The following NAV2 variants were observed in gnomAD, a reference collection of about 807,000 sequenced individuals.
The protein encoded by NAV2 is helicase, APC down-regulated 1.
A neutral mutation model predicts 223.2 loss-of-function variants in NAV2; 54 were observed. The ratio of observed to expected loss-of-function variants is 0.24; its 90% CI spans 0.19 to 0.30. NAV2 has a LOEUF of 0.30. Ranked by LOEUF, NAV2 falls within the 10% of genes least tolerant of loss-of-function variation. The pLI, the probability that NAV2 is intolerant of heterozygous loss-of-function variation, is 1.00. For missense variants in NAV2, 2,806 were observed against 3,147.5 expected (o/e 0.89, Z 2.60); for synonymous variants, 1,279 against 1,239.3 (o/e 1.03, Z -0.67).
chr11:19,960,557 C>G (rs2048263516), intron 10 of NAV2, among the ~76,000 whole-genome samples: 1 of 151,736 alleles, frequency 6.6e-6, no homozygotes, highest in African/African-American at 2.4e-5. Flanking sequence ...TTGATGCTGT[C>G]CTGCATCCTT....
intron 1 of NAV2, among the ~76,000 whole-genome samples, chr11:19,534,085 G>T (rs1378816995): frequency 6.6e-6 from 1 of 152,204 alleles, no homozygotes; most frequent in Non-Finnish European, 1.5e-5. Context: ...TGCCACCCTT[G>T]TGGCTCCTCT....
chr11:19,691,776 G>T, intron 1 of NAV2, among the ~76,000 whole-genome samples: 1 of 152,142 alleles, frequency 6.6e-6, no homozygotes, highest in East Asian at 1.9e-4. Flanking sequence ...CTTCCTGGAG[G>T]AAGACAAGGG....
intron 1 of NAV2, among the ~76,000 whole-genome samples, chr11:19,645,085 G>A (rs2047777414): frequency 6.6e-6 from 1 of 152,234 alleles, no homozygotes. Context: ...GAGGTTGGAA[G>A]TCCAGTACGG....
intron 10 of NAV2, among the ~76,000 whole-genome samples, chr11:19,951,451 A>C (rs914493147): frequency 6.6e-6 from 1 of 152,188 alleles, no homozygotes; most frequent in East Asian, 1.9e-4. Flanking sequence ...ATTTCACATA[A>C]TGTAATCTTT....
At chr11:19,960,306 C>T (rs2048245717) in intron 10 of NAV2, among the ~76,000 whole-genome samples, 1 of 152,110 alleles carries the variant, frequency 6.6e-6, no homozygotes, top group Admixed American at 6.6e-5. Context: ...CTCCGGGTGG[C>T]TTATGGGGGC....
intron 20 of NAV2, 76 bp from the exon 21 acceptor site, chr11:20,068,110 T>C: frequency 7.9e-7 from 1 of 1,260,724 alleles, no homozygotes; most frequent in Non-Finnish European, 1.2e-6. Context: ...CATCTGAATA[T>C]GGTGTTCCCG....
At chr11:19,523,365 G>A (rs1029614839) in intron 1 of NAV2, among the ~76,000 whole-genome samples, 2 of 152,120 alleles carry the variant, frequency 1.3e-5, no homozygotes, top group East Asian at 1.9e-4. Context: ...CAGGAACAGT[G>A]CATCCCTCCT....
At chr11:19,714,139 G>A in intron 1 of NAV2, 177 bp downstream of exon 1, 2 of 925,198 alleles carry the variant, frequency 2.2e-6, no homozygotes, top group Non-Finnish European at 3.3e-6. Context: ...CCGGCCGGTG[G>A]GTGTGGCCCG....
At chr11:20,071,422 C>T (rs1280550173) in intron 22 of NAV2, among the ~76,000 whole-genome samples, 5 of 152,132 alleles carry the variant, frequency 3.3e-5, no homozygotes, top group Non-Finnish European at 5.9e-5. Flanking sequence ...AATAAACATA[C>T]GTGTGCATGC....
intron 22 of NAV2, among the ~76,000 whole-genome samples, chr11:20,075,829 TCTC>T (rs996418005): frequency 1.2e-4 from 17 of 147,348 alleles, no homozygotes; most frequent in Admixed American, 8.2e-4. Context: ...GTGTCAGTCA[TCTC>T]CTCCTCTCGA....
chr11:19,475,017 C>T (rs950473988), intron 1 of NAV2, among the ~76,000 whole-genome samples: 3 of 152,242 alleles, frequency 2.0e-5, no homozygotes, highest in Admixed American at 1.3e-4. Flanking sequence ...ACAACTGTCT[C>T]ATTCAGGATG....
At chr11:20,056,642 C>G (rs778168499) in intron 19 of NAV2, 4 of 1,571,770 alleles carry the variant, frequency 2.5e-6, no homozygotes, top group Non-Finnish European at 3.5e-6. Flanking sequence ...AGTAAGCAGT[C>G]AAAATTCTGT....
At chr11:20,014,045 C>T (rs1347040962) in intron 11 of NAV2, among the ~76,000 whole-genome samples, 1 of 152,184 alleles carries the variant, frequency 6.6e-6, no homozygotes, top group Non-Finnish European at 1.5e-5. Flanking sequence ...ATGACCGGGG[C>T]CAGTGGGAAA....
chr11:19,780,834 A>G (rs1212743680), intron 1 of NAV2, among the ~76,000 whole-genome samples: 1 of 152,190 alleles, frequency 6.6e-6, no homozygotes, highest in Non-Finnish European at 1.5e-5. Context: ...AACATTCCCA[A>G]AAGTCAATAG....
At chr11:19,980,163 C>A (rs2050168753) in intron 10 of NAV2, among the ~76,000 whole-genome samples, 1 of 152,136 alleles carries the variant, frequency 6.6e-6, no homozygotes, top group Admixed American at 6.5e-5. Context: ...AGAAAAACAC[C>A]CCACAGACAC....
chr11:19,716,845 A>G (rs1458168476), intron 1 of NAV2, among the ~76,000 whole-genome samples: 1 of 152,248 alleles, frequency 6.6e-6, no homozygotes, highest in African/African-American at 2.4e-5. Flanking sequence ...AATTGTTCTA[A>G]GGACTTTACA....
intron 1 of NAV2, among the ~76,000 whole-genome samples, chr11:19,603,018 C>G (rs1326319829): frequency 1.3e-5 from 2 of 151,982 alleles, no homozygotes; most frequent in Non-Finnish European, 2.9e-5. Flanking sequence ...GATCATTACT[C>G]AGGGAGCAAT....
chr11:19,607,782 G>A (rs139760327), intron 1 of NAV2, among the ~76,000 whole-genome samples: 5 of 152,296 alleles, frequency 3.3e-5, no homozygotes, highest in East Asian at 1.9e-4. Context: ...GAGAAGCGTC[G>A]TGTGTAAAGG....
chr11:20,107,920 G>A, intron 36 of NAV2, 138 bp downstream of exon 36: 3 of 681,092 alleles, frequency 4.4e-6, no homozygotes, highest in Non-Finnish European at 7.8e-6. Flanking sequence ...CATCAGTGTA[G>A]TCCAGTGTAG....
Sources: gnomAD v4.1 joint callset for allele counts (sites outside exome capture counted in the v4.1 genomes callset) on GRCh38, gnomAD v4.1.1 for gene constraint, MANE v1.5 for transcripts, NCBI Gene and HGNC (gene_info 2026-07-23, HGNC 2026-07-21) for gene names.